Variants in LAMA2 observed in about 807,000 individuals in gnomAD.
LAMA2 encodes laminin subunit alpha-2.
LAMA2 carries 269 observed loss-of-function variants against 364.8 expected under a neutral mutation model. The observed-to-expected ratio is 0.74, with a 90% CI of 0.67 to 0.82. The LOEUF (loss-of-function observed/expected upper bound fraction) is 0.82, where lower values mean the gene tolerates loss of function less well. Ranked by LOEUF, LAMA2 falls within the 40% of genes least tolerant of loss-of-function variation. The pLI is 0.00. For synonymous variants in LAMA2, 1,379 were observed against 1,370.6 expected, an observed-to-expected ratio of 1.01 and a Z score of -0.14; for missense variants, 3,807 against 3,873.2, an observed-to-expected ratio of 0.98 and a Z score of 0.45.
intron 21 of LAMA2, among the ~76,000 whole-genome samples, chr6:129,299,751 A>G (rs903319331): frequency 4.8e-4 from 73 of 152,196 alleles, no homozygotes; most frequent in Non-Finnish European, 9.4e-4. Context: ...GTATTTTTCT[A>G]AACACCTTCC....
intron 8 of LAMA2, among the ~76,000 whole-genome samples, chr6:129,160,843 ATAT>A (rs1779404594): frequency 6.6e-6 from 1 of 151,740 alleles, no homozygotes. Flanking sequence ...GCTTTATTAA[ATAT>A]TATATTTTTG....
intron 48 of LAMA2, among the ~76,000 whole-genome samples, chr6:129,458,417 G>C (rs1342647548): frequency 6.6e-6 from 1 of 151,942 alleles, no homozygotes; most frequent in Non-Finnish European, 1.5e-5. Flanking sequence ...AAATCATTTT[G>C]GCCAAGAATT....
intron 52 of LAMA2, among the ~76,000 whole-genome samples, chr6:129,473,782 G>T (rs1288546832): frequency 6.6e-6 from 1 of 151,934 alleles, no homozygotes; most frequent in African/African-American, 2.4e-5. Flanking sequence ...CATCATAATG[G>T]CGTGTTGGAG....
chr6:129,145,585 A>G (rs982252719), intron 5 of LAMA2, among the ~76,000 whole-genome samples: 8 of 152,004 alleles, frequency 5.3e-5, no homozygotes, highest in Non-Finnish European at 7.4e-5. Flanking sequence ...AAAAAAATCA[A>G]TGAAAATAAA....
rs117262647 is a variant in LAMA2 at position 129,302,287 on chromosome 6, C to A, written c.3174+1415C>A. Among the ~76,000 whole-genome samples the A allele has an allele frequency of 1.4e-4, 21 of 152,082 alleles. No homozygotes were observed. The East Asian group carries it at 3.7e-3, about 27-fold the overall frequency. On this transcript the variant is annotated intron_variant, in intron 22 of 64. Transcript: ENST00000421865. ...TGCCCAGTAATGTTGGGAATCCTTT[C>A]ATTTATTTATTTGTCATTTATACAT... is the stretch of plus-strand genomic sequence containing the variant.
At chr6:129,130,209 G>A (rs944972779) in intron 4 of LAMA2, among the ~76,000 whole-genome samples, 1 of 152,322 alleles carries the variant, frequency 6.6e-6, no homozygotes, top group Middle Eastern at 3.4e-3. Context: ...CCACATACTA[G>A]CACTAGTCAT....
intron 58 of LAMA2, among the ~76,000 whole-genome samples, chr6:129,495,594 T>G (rs1785126854): frequency 6.6e-6 from 1 of 152,178 alleles, no homozygotes; most frequent in African/African-American, 2.4e-5. Flanking sequence ...GACCTTCTTC[T>G]CTACCACTAG....
intron 12 of LAMA2, among the ~76,000 whole-genome samples, chr6:129,201,518 C>G (rs1385026835): frequency 6.6e-6 from 1 of 152,202 alleles, no homozygotes; most frequent in Non-Finnish European, 1.5e-5. Flanking sequence ...ATTTTCCTAA[C>G]ACCCAAAGTG....
Position 129,223,859 on chromosome 6 carries a change from G to GT in LAMA2, c.1783-26245dup, listed in dbSNP as rs570476577. On this transcript the variant is annotated intron_variant, in intron 12 of 64. Coordinates refer to ENST00000421865, the MANE Select transcript of LAMA2 (RefSeq NM_000426.4). ...TTGGTTCCATATGAACTTTAAAGTA[G>GT]TTTTTTTTCCAATTCTGTGAAGAAA... Among the ~76,000 whole-genome samples, 542 of 151,966 alleles carry GT rather than the reference G, an allele frequency of 3.6e-3. 4 individuals are homozygous for GT. Among genetic ancestry groups the GT allele is most frequent in the Admixed American group, 0.017 (254 of 15,252 alleles).
chr6:129,388,022 C>T (rs868185238), intron 35 of LAMA2, among the ~76,000 whole-genome samples: 1 of 152,116 alleles, frequency 6.6e-6, no homozygotes, highest in South Asian at 2.1e-4. Context: ...CTTTGAGAGG[C>T]CAAGGCAGGC....
intron 37 of LAMA2, among the ~76,000 whole-genome samples, chr6:129,394,211 G>T (rs1320467757): frequency 6.6e-6 from 1 of 152,146 alleles, no homozygotes; most frequent in East Asian, 1.9e-4. Flanking sequence ...TGTTTTCAAA[G>T]TATCTGACTC....
chr6:129,291,275 A>G (rs999438385), intron 19 of LAMA2, among the ~76,000 whole-genome samples: 1 of 152,170 alleles, frequency 6.6e-6, no homozygotes, highest in African/African-American at 2.4e-5. Context: ...ACTCACCTAT[A>G]TGACACAGCA....
At chr6:129,175,903 TTTGATACCC>T (rs2115013387) in intron 9 of LAMA2, among the ~76,000 whole-genome samples, 1 of 152,288 alleles carries the variant, frequency 6.6e-6, no homozygotes, top group Admixed American at 6.5e-5. Context: ...TTTGTCCTCT[TTTGATACCC>T]TTGATTAGCT....
At position 129,098,328 on chromosome 6, in the gene LAMA2, C is replaced by T. The variant is rs1242371672; in HGVS notation, c.552C>T (p.Pro184=). ...TECLTLYNIY[P]RTGPPSYAKD... is the part of the protein sequence containing the mutation. The stretch of plus-strand genomic sequence containing the variant: ...GCCTAACGCTTTACAATATTTATCC[C>T]CGCACTGGGCCACCGTCATATGCCA... The change falls in exon 4 of 65, where the codon CCC becomes CCT. Residue 184 remains proline (P), a synonymous_variant. Transcript: ENST00000421865. 3 of 1,614,012 alleles carry T rather than the reference C, an allele frequency of 1.9e-6. No individual in the cohort carries two copies. Among genetic ancestry groups the T allele is most frequent in the Admixed American group, 1.7e-5 (1 of 60,016 alleles).
At chr6:128,990,814 C>A (rs1413188887) in intron 1 of LAMA2, among the ~76,000 whole-genome samples, 1 of 151,936 alleles carries the variant, frequency 6.6e-6, no homozygotes, top group Non-Finnish European at 1.5e-5. Flanking sequence ...AATTGAGCTG[C>A]AAGTGAAGAC....
At chr6:129,149,846 G>A (rs1395246273) in intron 7 of LAMA2, among the ~76,000 whole-genome samples, 3 of 152,050 alleles carry the variant, frequency 2.0e-5, no homozygotes, top group African/African-American at 7.2e-5. Context: ...TTTACATTTT[G>A]TTAGGTATTA....
intron 1 of LAMA2, among the ~76,000 whole-genome samples, chr6:128,962,912 A>G (rs1781620483): frequency 1.3e-5 from 2 of 152,242 alleles, no homozygotes; most frequent in African/African-American, 4.8e-5. Flanking sequence ...CACATCTCTT[A>G]TTAATGAAAG....
At chr6:129,059,704 T>C in intron 2 of LAMA2, 80 bp from the exon 3 acceptor site, 3 of 865,684 alleles carry the variant, frequency 3.5e-6, no homozygotes, top group Admixed American at 3.7e-5. Flanking sequence ...TAACCATTTT[T>C]TTTTACTTTA....
At chr6:128,930,574 G>A (rs1327206306) in intron 1 of LAMA2, among the ~76,000 whole-genome samples, 1 of 151,958 alleles carries the variant, frequency 6.6e-6, no homozygotes, top group Non-Finnish European at 1.5e-5. Flanking sequence ...GGCCCAAAAT[G>A]TACACGGAGC....
Sources: allele counts gnomAD v4.1 joint callset (sites outside exome capture counted in the v4.1 genomes callset), GRCh38; gene constraint gnomAD v4.1.1; transcripts MANE v1.5; gene names NCBI Gene and HGNC (gene_info 2026-07-23, HGNC 2026-07-21).